UNC80: variants seen among roughly 807,000 people sequenced by gnomAD.
UNC80 encodes the protein protein unc-80 homolog.
In UNC80, 164 loss-of-function variants were observed where a neutral mutation model predicts 384.6. The ratio of observed to expected loss-of-function variants is 0.43; its 90% confidence interval spans 0.38 to 0.49. The LOEUF (loss-of-function observed/expected upper bound fraction) is 0.49, where lower values mean the gene tolerates loss of function less well. Ranked by LOEUF, UNC80 falls within the 20% of genes least tolerant of loss-of-function variation. The pLI, the probability that UNC80 is intolerant of heterozygous loss-of-function variation, is 0.00. For synonymous variants in UNC80, 1,486 were observed against 1,527.8 expected, an observed-to-expected ratio of 0.97 and a Z score of 0.64; for missense variants, 3,330 against 4,143.0, an observed-to-expected ratio of 0.80 and a Z score of 5.39.
chr2:209,844,511 CCTTCCT>C (rs2082031557), intron 21 of UNC80, among the ~76,000 whole-genome samples: 1 of 129,010 alleles, frequency 7.8e-6, no homozygotes, highest in African/African-American at 3.0e-5. Context: ...TTCCTTCCTT[CCTTCCT>C]TCCTTCCTTC....
intron 6 of UNC80, among the ~76,000 whole-genome samples, chr2:209,792,621 A>G (rs1283900461): frequency 6.6e-6 from 1 of 152,208 alleles, no homozygotes; most frequent in Admixed American, 6.5e-5. Context: ...TGCTAGGATT[A>G]CAGGCATGAG....
intron 12 of UNC80, 144 bp downstream of exon 12, chr2:209,819,405 C>G: frequency 1.4e-6 from 1 of 701,130 alleles, no homozygotes; most frequent in East Asian, 4.4e-5. Flanking sequence ...AAAAAATTCA[C>G]CAATGTTTCA....
chr2:209,937,721 T>C, intron 42 of UNC80, 91 bp downstream of exon 42: 5 of 983,114 alleles, frequency 5.1e-6, no homozygotes, highest in Non-Finnish European at 7.9e-6. Context: ...GATTTTATGA[T>C]TCCATTTTGA....
chr2:209,976,849 C>T lies in UNC80; in HGVS notation c.8773-64C>T, dbSNP rs146414814. 43 of 1,440,414 alleles carry T rather than the reference C, an allele frequency of 3.0e-5. No individual in the cohort carries two copies. The highest frequency in any genetic ancestry group is 1.6e-4 in the Admixed American group (7 of 43,366). 89.2% of individuals were successfully genotyped at this position (1,440,414 alleles called of 1,614,324 possible). A position where few individuals can be genotyped will look rare whatever the true frequency, so the allele number is the denominator to read the frequency against. On this transcript the variant is annotated intron_variant, in intron 57 of 64. Coordinates refer to ENST00000673920, the MANE Select transcript of UNC80 (RefSeq NM_001371986.1). This position sits in a 1 kb window ranked among gnomAD's most constrained non-coding sequence, Gnocchi z 4.3. ...ATTCCTCACAACAATGAAATAGGTA[C>T]AGCAATTAGCCCATTTTATGGATGG...
In UNC80 at chr2:209,834,992, C is replaced by A; in HGVS notation, c.3023C>A (p.Pro1008His). The A allele has an allele frequency of 6.4e-7, 1 of 1,550,740 alleles. No homozygotes were observed. The highest frequency in any genetic ancestry group is 1.2e-5 in the South Asian group (1 of 84,014). ...EECRSFMSGR[P>H]SQTPEHDEQM... ...TGTCGCAGCTTCATGTCTGGTCGCCCCTCACAGACTCCAGAGCAGTAAGTA... is the reference window on the plus strand; with the variant it reads ...TGTCGCAGCTTCATGTCTGGTCGCCACTCACAGACTCCAGAGCAGTAAGTA... The change falls in exon 18 of 65, where the codon CCC becomes CAC. Residue 1008 changes from proline to histidine, a missense_variant. Around this residue, in one of 8 missense-constraint regions of UNC80, gnomAD observed 801 missense variants for 950.8 expected, o/e 0.84. Coordinates refer to ENST00000673920, the MANE Select transcript of UNC80 (RefSeq NM_001371986.1).
chr2:209,902,904 CGTGTGTGTGTGTGTGTGT>C (rs56102642), intron 28 of UNC80, among the ~76,000 whole-genome samples: 1 of 141,214 alleles, frequency 7.1e-6, no homozygotes, highest in Non-Finnish European at 1.5e-5. Context: ...CCTGTATACA[CGTGTGTGTGTGTGTGTGT>C]GTGTGTGTGT....
At chr2:209,938,712 G>C (rs6739793) in intron 42 of UNC80, among the ~76,000 whole-genome samples, 21,227 of 134,124 alleles carry the variant, frequency 0.16, 1,636 homozygotes, top group East Asian at 0.18. Context: ...CTCTCTCTCT[G>C]TGTGTGTGTG....
chr2:209,899,566 C>T (rs985933988), intron 28 of UNC80, among the ~76,000 whole-genome samples: 1 of 152,140 alleles, frequency 6.6e-6, no homozygotes, highest in African/African-American at 2.4e-5. Context: ...CTCTGGCAGA[C>T]AACAAAGAAG....
intron 4 of UNC80, among the ~76,000 whole-genome samples, chr2:209,785,230 C>A (rs1048569357): frequency 6.6e-6 from 1 of 152,184 alleles, no homozygotes; most frequent in Admixed American, 6.5e-5. Context: ...ATTCGTTAAT[C>A]TGTGATCACA....
Position 209,834,994 on chromosome 2 carries a change from T to G in UNC80, c.3025T>G (p.Ser1009Ala). The part of the protein sequence containing the change: ...ECRSFMSGRP[S>A]QTPEHDEQMQ... ...TCGCAGCTTCATGTCTGGTCGCCCC[T>G]CACAGACTCCAGAGCAGTAAGTAGC... The change falls in exon 18 of 65, where the codon TCA becomes GCA. Residue 1009 changes from serine (S) to alanine (A), a missense_variant. Physicochemically the swap from Ser to Ala is moderately conservative, Grantham distance 99. Transcript: ENST00000673920. 1 of 1,550,640 alleles carries G rather than the reference T, an allele frequency of 6.4e-7. No homozygotes were observed. The highest frequency in any genetic ancestry group is 8.7e-7 in the Non-Finnish European group (1 of 1,146,226).
chr2:209,844,215 G>A (rs1172282926), intron 21 of UNC80, among the ~76,000 whole-genome samples: 1 of 152,128 alleles, frequency 6.6e-6, no homozygotes, highest in Non-Finnish European at 1.5e-5. Context: ...ACTAAAGTGT[G>A]TTCTCCAGGT....
rs2093494649 is a variant in UNC80 at position 209,997,053 on chromosome 2, C to G, written c.*1458C>G. 2 of 152,054 alleles carry G rather than the reference C, an allele frequency of 1.3e-5. No individual in the cohort carries two copies. The highest frequency in any genetic ancestry group is 4.8e-5 in the African/African-American group (2 of 41,404). 9.4% of individuals were successfully genotyped at this position (152,054 alleles called of 1,614,324 possible). On this transcript the variant is annotated 3_prime_UTR_variant, in exon 65 of 65. Coordinates refer to ENST00000673920, the MANE Select transcript of UNC80 (RefSeq NM_001371986.1). Reference sequence around the variant, plus strand: ...TAAAGAGGATACCTACTAAACCCACCTTAATCATAAAGGAAAATTATTTTT... The same window carrying G: ...TAAAGAGGATACCTACTAAACCCACGTTAATCATAAAGGAAAATTATTTTT...
chr2:209,810,348 A>T (rs1219026734), intron 7 of UNC80, among the ~76,000 whole-genome samples: 1 of 152,230 alleles, frequency 6.6e-6, no homozygotes, highest in Non-Finnish European at 1.5e-5. Flanking sequence ...TATATTTCAT[A>T]CATTTTGTAT....
intron 38 of UNC80, among the ~76,000 whole-genome samples, chr2:209,932,629 A>G (rs1378639778): frequency 1.3e-5 from 2 of 152,182 alleles, no homozygotes; most frequent in Non-Finnish European, 2.9e-5. Context: ...ATAGTTTTAA[A>G]AGAAATAAAT....
chr2:209,980,052 CCTGTGCCTGGCCTATAGACACATTT>C (rs2093122001), intron 59 of UNC80, among the ~76,000 whole-genome samples: 1 of 152,186 alleles, frequency 6.6e-6, no homozygotes, highest in Non-Finnish European at 1.5e-5. Context: ...ATCATATTGT[CCTGTGCCTGGCCTATAGACACATTT>C]CTGTCTAAAT....
rs911411521 is a variant in UNC80 at position 209,880,686 on chromosome 2, G to A, written c.3977-275G>A. Among the ~76,000 whole-genome samples the A allele has an allele frequency of 4.6e-5, 7 of 152,098 alleles. 1 individual carries two copies. Among genetic ancestry groups the A allele is most frequent in the African/African-American group, 1.7e-4 (7 of 41,412 alleles). The stretch of plus-strand genomic sequence containing the variant: ...TAAGGAAAATAATTTAGTTCTGCTT[G>A]TTCAATATTTTAATACTGAAGCACT... On this transcript the variant is annotated intron_variant, in intron 24 of 64. Transcript: ENST00000673920.
At position 209,941,417 on chromosome 2, in the gene UNC80, C is replaced by G. The variant is rs978550537; in HGVS notation, c.6843C>G (p.Ile2281Met). The G allele has an allele frequency of 1.3e-6, 2 of 1,550,578 alleles. No individual in the cohort carries two copies. The highest frequency in any genetic ancestry group is 2.7e-5 in the African/African-American group (2 of 73,030). Residue 2281 changes from isoleucine (I) to methionine (M), a missense_variant, in exon 44 of 65, where the codon ATC becomes ATG. Physicochemically the swap from Ile to Met is conservative, Grantham distance 10. Coordinates refer to ENST00000673920, the MANE Select transcript of UNC80 (RefSeq NM_001371986.1). ...TCAGGCAGTATGCTGCCACCGTCATCAACACCGCGGTGCACTTCAACCACC... is the reference window on the plus strand; with the variant it reads ...TCAGGCAGTATGCTGCCACCGTCATGAACACCGCGGTGCACTTCAACCACC... ...ALLRQYAATVINTAVHFNHLF... is the reference protein window; with the variant it reads ...ALLRQYAATVMNTAVHFNHLF...
chr2:209,948,594 T>A (rs1464487561), intron 47 of UNC80, among the ~76,000 whole-genome samples: 1 of 152,180 alleles, frequency 6.6e-6, no homozygotes, highest in Non-Finnish European at 1.5e-5. Context: ...CATCTGCAAA[T>A]CATGAGAGTT....
chr2:209,919,213 T>C (rs2089829971), intron 33 of UNC80, among the ~76,000 whole-genome samples: 1 of 152,140 alleles, frequency 6.6e-6, no homozygotes, highest in East Asian at 1.9e-4. Context: ...AACAAGAATA[T>C]GCACCTTTTG....
Sources: gnomAD v4.1 joint callset for allele counts (sites outside exome capture counted in the v4.1 genomes callset) on GRCh38, gnomAD v4.1.1 for gene constraint, gnomAD v4.1.1 regional missense constraint, Gnocchi (gnomAD v3.1) non-coding constraint, MANE v1.5 for transcripts, NCBI Gene and HGNC (gene_info 2026-07-23, HGNC 2026-07-21) for gene names.